ELAVL2: variants seen among roughly 807,000 people sequenced by gnomAD.
ELAVL2 encodes ELAV-like protein 2.
Under a neutral mutation model 34.6 loss-of-function variants are expected in ELAVL2, and 4 were observed. That is an observed-to-expected ratio of 0.12 (90% CI 0.06 to 0.26). The LOEUF (loss-of-function observed/expected upper bound fraction) is 0.26, where lower values mean the gene tolerates loss of function less well. Among genes scored for constraint, ELAVL2 ranks in the 10% least tolerant of loss-of-function variants. The pLI, the probability that ELAVL2 is intolerant of heterozygous loss-of-function variation, is 1.00. For missense variants in ELAVL2, 432 were observed against 442.8 expected (o/e 0.98, Z 0.22); for synonymous variants, 193 against 154.8 (o/e 1.25, Z -1.83).
intron 1 of ELAVL2, among the ~76,000 whole-genome samples, chr9:23,797,516 G>A (rs750357733): frequency 1.3e-5 from 2 of 152,228 alleles, no homozygotes; most frequent in African/African-American, 2.4e-5. Flanking sequence ...TTGGTAGCAG[G>A]AGGGGCATGG....
intron 2 of ELAVL2, among the ~76,000 whole-genome samples, chr9:23,735,851 C>A (rs1171115003): frequency 6.6e-6 from 1 of 151,938 alleles, no homozygotes; most frequent in Non-Finnish European, 1.5e-5. Context: ...CTGAAGAGGA[C>A]CAAAGACTAC....
chr9:23,742,429 A>G (rs1253447585), intron 2 of ELAVL2, among the ~76,000 whole-genome samples: 1 of 152,190 alleles, frequency 6.6e-6, no homozygotes, highest in Non-Finnish European at 1.5e-5. Context: ...GCACGTACAT[A>G]CCTACGTCCT....
At chr9:23,778,980 A>G (rs1383567188) in intron 1 of ELAVL2, among the ~76,000 whole-genome samples, 1 of 152,190 alleles carries the variant, frequency 6.6e-6, no homozygotes, top group Non-Finnish European at 1.5e-5. Context: ...AGTTAATTCA[A>G]ACCTAATCAA....
At chr9:23,747,495 A>T (rs1194028396) in intron 2 of ELAVL2, among the ~76,000 whole-genome samples, 1 of 152,128 alleles carries the variant, frequency 6.6e-6, no homozygotes, top group African/African-American at 2.4e-5. Flanking sequence ...ACACTGGCTG[A>T]TATTCTCCAG....
intron 2 of ELAVL2, among the ~76,000 whole-genome samples, chr9:23,758,704 A>C (rs1362159311): frequency 6.6e-6 from 1 of 151,934 alleles, no homozygotes; most frequent in African/African-American, 2.4e-5. Flanking sequence ...AGAGATACTC[A>C]CTCTTCCCAC....
intron 3 of ELAVL2, among the ~76,000 whole-genome samples, chr9:23,716,006 A>T (rs1052459882): frequency 3.9e-5 from 6 of 152,152 alleles, no homozygotes; most frequent in African/African-American, 1.4e-4. Context: ...TGGATAAGAC[A>T]AGAGACGGGT....
chr9:23,758,802 T>C (rs930855979), intron 2 of ELAVL2, among the ~76,000 whole-genome samples: 2 of 152,088 alleles, frequency 1.3e-5, no homozygotes, highest in Admixed American at 1.3e-4. Context: ...TCATAGTTCT[T>C]AATACAGTGA....
chr9:23,713,381 A>T (rs2041502585), intron 3 of ELAVL2, among the ~76,000 whole-genome samples: 1 of 152,188 alleles, frequency 6.6e-6, no homozygotes, highest in Non-Finnish European at 1.5e-5. Context: ...TCACTATGGT[A>T]GTGGCAGTAG....
intron 1 of ELAVL2, among the ~76,000 whole-genome samples, chr9:23,805,274 C>A (rs1184154317): frequency 1.3e-5 from 2 of 152,130 alleles, no homozygotes; most frequent in South Asian, 2.1e-4. Context: ...GGCCAAAGCA[C>A]CCTCATGGCT....
intron 2 of ELAVL2, among the ~76,000 whole-genome samples, chr9:23,753,368 A>C (rs2052637076): frequency 6.6e-6 from 1 of 152,112 alleles, no homozygotes; most frequent in African/African-American, 2.4e-5. Flanking sequence ...TTGAAAGGAA[A>C]TGTTCCAACA....
chr9:23,703,576 T>C (rs1490146626), intron 4 of ELAVL2, among the ~76,000 whole-genome samples: 1 of 152,120 alleles, frequency 6.6e-6, no homozygotes, highest in African/African-American at 2.4e-5. Context: ...TGAAGCCAAT[T>C]AACAACACAG....
chr9:23,824,410 CAG>C (rs1180631052), intron 1 of ELAVL2, among the ~76,000 whole-genome samples: 1 of 152,212 alleles, frequency 6.6e-6, no homozygotes, highest in Non-Finnish European at 1.5e-5. Flanking sequence ...CCGCCCTTCG[CAG>C]AGTCCAGTCC....
chr9:23,704,415 T>C (rs1322033632), intron 4 of ELAVL2, among the ~76,000 whole-genome samples: 1 of 152,174 alleles, frequency 6.6e-6, no homozygotes, highest in African/African-American at 2.4e-5. Context: ...AGGAATAAAA[T>C]AAATTTTTAA....
chr9:23,702,969 A>AAAAAAAAAC (rs2037910386), intron 4 of ELAVL2, among the ~76,000 whole-genome samples: 7 of 146,000 alleles, frequency 4.8e-5, no homozygotes, highest in Non-Finnish European at 1.5e-5. Flanking sequence ...AAAAAAAAAA[A>AAAAAAAAAC]AAAAAAAAAA....
chr9:23,736,383 G>T, intron 2 of ELAVL2, among the ~76,000 whole-genome samples: 1 of 152,080 alleles, frequency 6.6e-6, no homozygotes, highest in East Asian at 1.9e-4. Flanking sequence ...AGGAGAAAAA[G>T]ATCTTTCTCA....
intron 2 of ELAVL2, among the ~76,000 whole-genome samples, chr9:23,753,181 T>TAAAC (rs1453043403): frequency 6.6e-6 from 1 of 152,174 alleles, no homozygotes; most frequent in Non-Finnish European, 1.5e-5. Context: ...AAATATCTGT[T>TAAAC]AAAGTTGACC....
intron 2 of ELAVL2, among the ~76,000 whole-genome samples, chr9:23,745,814 C>G (rs2050346970): frequency 6.6e-6 from 1 of 152,148 alleles, no homozygotes. Flanking sequence ...ATATATGGCT[C>G]TCCTTAGCTA....
intron 2 of ELAVL2, among the ~76,000 whole-genome samples, chr9:23,739,356 C>A (rs1160108239): frequency 9.2e-5 from 14 of 152,086 alleles, no homozygotes; most frequent in Admixed American, 9.2e-4. Flanking sequence ...GGAGCTGCCA[C>A]CAGGATAGAG....
At chr9:23,773,796 T>C (rs1044674154) in intron 1 of ELAVL2, among the ~76,000 whole-genome samples, 18 of 152,198 alleles carry the variant, frequency 1.2e-4, no homozygotes. Context: ...TTTAATTACA[T>C]ATACATATTT....
Sources: allele counts gnomAD v4.1 joint callset (sites outside exome capture counted in the v4.1 genomes callset), GRCh38; gene constraint gnomAD v4.1.1; transcripts MANE v1.5; gene names NCBI Gene and HGNC (gene_info 2026-07-23, HGNC 2026-07-21).